The following FRY variants were observed in gnomAD, a reference collection of about 807,000 sequenced individuals.
FRY encodes the protein protein furry homolog.
A neutral mutation model predicts 348.4 loss-of-function variants in FRY; 128 were observed. The ratio of observed to expected loss-of-function variants is 0.37; its 90% CI spans 0.32 to 0.43. The LOEUF (loss-of-function observed/expected upper bound fraction) is 0.43. FRY is among the 20% of genes least tolerant of loss of function. The pLI, the probability that FRY is intolerant of heterozygous loss-of-function variation, is 1.00. For synonymous variants in FRY, 1,370 were observed against 1,374.7 expected (o/e 1.00, Z 0.08); for missense variants, 2,736 against 3,695.2 (o/e 0.74, Z 6.73).
chr13:32,090,278 T>G (rs1348648599), intron 2 of FRY, among the ~76,000 whole-genome samples: 11 of 138,856 alleles, frequency 7.9e-5, no homozygotes, highest in Non-Finnish European at 1.7e-4. Flanking sequence ...AACCCGGAAG[T>G]CGGAGGTTGC....
rs80296727 is a variant in FRY at position 32,102,098 on chromosome 13, G to T, written c.324+82G>T. 2.4e-3 allele frequency: 1,963 copies of T among 822,110 alleles called. 17 individuals are homozygous for T. The African/African-American group carries it at 0.029, about 12-fold the overall frequency. The allele number at this position is 822,110 out of a possible 1,614,324, so 50.9% of individuals were successfully genotyped here. A position where few individuals can be genotyped will look rare whatever the true frequency, so the allele number is the denominator to read the frequency against. The stretch of plus-strand genomic sequence containing the variant: ...CAAGGTCTGCATGCTCACTATTGTT[G>T]TATGGATGAACATCCTCAAAAAGTA... On this transcript the variant is annotated intron_variant, in intron 3 of 60. Transcript: ENST00000542859.
intron 29 of FRY, among the ~76,000 whole-genome samples, chr13:32,195,349 T>C (rs1029537376): frequency 6.6e-6 from 1 of 152,224 alleles, no homozygotes; most frequent in African/African-American, 2.4e-5. Context: ...AAAAATATAC[T>C]TTAGGACATT....
At chr13:32,274,768 C>T in intron 55 of FRY, 74 bp from the exon 56 acceptor site, 2 of 1,067,532 alleles carry the variant, frequency 1.9e-6, no homozygotes, top group Non-Finnish European at 2.9e-6. Flanking sequence ...AGAAGCTACC[C>T]CTCCCCCAAA....
intron 3 of FRY, among the ~76,000 whole-genome samples, chr13:32,115,947 A>G (rs1230353998): frequency 6.6e-6 from 1 of 151,902 alleles, no homozygotes; most frequent in Non-Finnish European, 1.5e-5. Context: ...CATTTTTTTC[A>G]TTTACCATAT....
Position 32,284,567 on chromosome 13 carries a change from T to G in FRY, c.8470-5066T>G, listed in dbSNP as rs905523081. Among the ~76,000 whole-genome samples, 24 of 152,344 alleles carry G rather than the reference T, an allele frequency of 1.6e-4. 1 individual carries two copies. The East Asian group carries it at 3.5e-3, about 22-fold the overall frequency. On this transcript the variant is annotated intron_variant, in intron 58 of 60. Transcript: ENST00000542859. ...ATGTGTAATCTGTATCATAGGTGTA[T>G]TTATCTTTCAAAGCTTTGAGGGATA...
chr13:32,037,796 C>T (rs1872595053), intron 1 of FRY, among the ~76,000 whole-genome samples: 1 of 152,128 alleles, frequency 6.6e-6, no homozygotes, highest in South Asian at 2.1e-4. Flanking sequence ...CTTTTGGGTA[C>T]AGTTTAAGGA....
In FRY at chr13:32,265,526, C is replaced by A; in HGVS notation, c.7856C>A (p.Ala2619Glu). The change falls in exon 54 of 61, where the codon GCA (alanine) becomes GAA (glutamate). Residue 2619 changes from alanine (A) to glutamate (E), a missense_variant. Transcript: ENST00000542859. ...DLSSSINELP[A>E]AFECSDSFSL... ...TCTAGTTCCATCAATGAACTCCCAGCAGCTTTTGAATGCAGCGACAGCTTT... is the reference window on the plus strand; with the variant it reads ...TCTAGTTCCATCAATGAACTCCCAGAAGCTTTTGAATGCAGCGACAGCTTT... The A allele has an allele frequency of 6.2e-7, 1 of 1,614,188 alleles. No individual in the cohort carries two copies. The highest frequency in any genetic ancestry group is 1.6e-4 in the Middle Eastern group (1 of 6,062).
chr13:32,279,346 C>T (rs962228621), intron 58 of FRY, among the ~76,000 whole-genome samples: 4 of 152,146 alleles, frequency 2.6e-5, no homozygotes, highest in South Asian at 4.1e-4. Context: ...CGTAAGGGCC[C>T]GGAGGCAGGG....
At chr13:32,163,881 GTTTTTTC>G (rs1036117566) in intron 17 of FRY, among the ~76,000 whole-genome samples, 7 of 150,626 alleles carry the variant, frequency 4.6e-5, no homozygotes, top group African/African-American at 7.4e-5. Flanking sequence ...GCTGTTTTTT[GTTTTTTC>G]TTTTTTCTTT....
intron 7 of FRY, among the ~76,000 whole-genome samples, chr13:32,125,645 C>T (rs528488239): frequency 2.0e-5 from 3 of 152,050 alleles, no homozygotes; most frequent in Admixed American, 6.6e-5. Context: ...GATTGAATTT[C>T]GTAACGTAGT....
chr13:32,175,684 C>A, intron 20 of FRY, 52 bp downstream of exon 20: 1 of 1,028,540 alleles, frequency 9.7e-7, no homozygotes, highest in Non-Finnish European at 1.5e-6. Context: ...CTGGACCTAT[C>A]TAAAATAGTC....
At chr13:32,165,967 T>C (rs917945818) in intron 17 of FRY, among the ~76,000 whole-genome samples, 31 of 152,282 alleles carry the variant, frequency 2.0e-4, no homozygotes, top group African/African-American at 7.2e-4. Flanking sequence ...TTGTTCTCCA[T>C]CACCGCAGAC....
At chr13:32,128,510 A>G (rs1262370002) in intron 7 of FRY, among the ~76,000 whole-genome samples, 3 of 152,218 alleles carry the variant, frequency 2.0e-5, no homozygotes, top group Non-Finnish European at 4.4e-5. Context: ...TAATTAAACT[A>G]TAAACTATTC....
chr13:32,242,519 A>T (rs1886568874), intron 46 of FRY, among the ~76,000 whole-genome samples: 1 of 151,846 alleles, frequency 6.6e-6, no homozygotes, highest in East Asian at 1.9e-4. Context: ...ATAATTATTT[A>T]CTCATGTTTT....
rs111295648 is a variant in FRY, at chr13:32,267,167, C to T, written c.7947-3C>T. ...TTGACATAGTCGTTTTCATTTTTTC[C>T]AGCTTTGGAGAAGGTGACAGGGGAG... is the stretch of plus-strand genomic sequence containing the variant. On this transcript the variant is annotated splice_region_variant and splice_polypyrimidine_tract_variant and intron_variant, in intron 54 of 60. Transcript: ENST00000542859. The T allele has an allele frequency of 6.2e-7, 1 of 1,609,690 alleles. No homozygotes were observed.
intron 3 of FRY, among the ~76,000 whole-genome samples, chr13:32,106,103 A>G (rs1221044267): frequency 6.8e-6 from 1 of 148,130 alleles, no homozygotes; most frequent in African/African-American, 2.4e-5. Context: ...AACATTAAAT[A>G]TAATATATTA....
chr13:32,033,044 T>C (rs1304756308), intron 1 of FRY, among the ~76,000 whole-genome samples: 1 of 152,186 alleles, frequency 6.6e-6, no homozygotes, highest in Non-Finnish European at 1.5e-5. Context: ...CTCTAAATGA[T>C]ATCCATAGAA....
intron 2 of FRY, among the ~76,000 whole-genome samples, chr13:32,091,447 A>G (rs954040890): frequency 6.6e-6 from 1 of 152,212 alleles, no homozygotes; most frequent in Non-Finnish European, 1.5e-5. Context: ...GTTTTTCCAA[A>G]CTTGAGTCAA....
chr13:32,226,729 C>G (rs553974749), intron 39 of FRY, among the ~76,000 whole-genome samples: 1 of 152,280 alleles, frequency 6.6e-6, no homozygotes, highest in Non-Finnish European at 1.5e-5. Flanking sequence ...TGTGTGCTTT[C>G]TGCATTACTG....
Sources: allele counts gnomAD v4.1 joint callset (sites outside exome capture counted in the v4.1 genomes callset), GRCh38; gene constraint gnomAD v4.1.1; transcripts MANE v1.5; gene names NCBI Gene and HGNC (gene_info 2026-07-23, HGNC 2026-07-21).